The following NFASC variants were observed in gnomAD, a reference collection of about 807,000 sequenced individuals.
NFASC encodes neurofascin homolog.
A neutral mutation model predicts 147.5 loss-of-function variants in NFASC; 43 were observed. The observed-to-expected ratio is 0.29, with a 90% CI of 0.23 to 0.38. NFASC has a LOEUF of 0.38. Among genes scored for constraint, NFASC ranks in the 10% least tolerant of loss-of-function variants. The pLI, the probability that NFASC is intolerant of heterozygous loss-of-function variation, is 1.00. For synonymous variants in NFASC, 622 were observed against 665.5 expected, an observed-to-expected ratio of 0.93 and a Z score of 1.01; for missense variants, 1,320 against 1,689.0, an observed-to-expected ratio of 0.78 and a Z score of 3.83.
intron 29 of NFASC, among the ~76,000 whole-genome samples, chr1:205,013,828 G>A (rs1282765570): frequency 2.0e-5 from 3 of 152,078 alleles, no homozygotes; most frequent in Non-Finnish European, 1.5e-5. Context: ...CCTGTCCTGG[G>A]CCTCTGCCAC....
rs576176532 is a variant in NFASC, at chr1:204,885,534, A to C, written c.-199-35098A>C. On this transcript the variant is annotated intron_variant, in intron 1 of 29. Coordinates refer to ENST00000339876, the MANE Select transcript of NFASC (RefSeq NM_001005388.3). ...AATATTTTGCAACCCACCGTCAGAG[A>C]AAGAATTGACCAGGGCTGGTGCCAA... 2.6e-5 allele frequency among the ~76,000 whole-genome samples: 4 copies of C among 152,320 alleles called. No individual in the cohort carries two copies. The South Asian group carries it at 8.3e-4, about 32-fold the overall frequency.
intron 1 of NFASC, among the ~76,000 whole-genome samples, chr1:204,869,225 C>G (rs902151232): frequency 2.6e-5 from 4 of 152,184 alleles, no homozygotes; most frequent in African/African-American, 9.7e-5. Flanking sequence ...GAAGAGGCAT[C>G]ACAACATGAG....
chr1:204,979,670 G>T lies in NFASC; in HGVS notation c.2176+111G>T. On this transcript the variant is annotated intron_variant, in intron 19 of 29. Transcript: ENST00000339876. This position sits in a 1 kb window ranked among gnomAD's most constrained non-coding sequence, Gnocchi z 6.0. Reference sequence around the variant, plus strand: ...ACTTAGGTTACTTAACTTCTCCAAGGCCCGGCCTCATCTGTGAGGCAGAGA... The same window carrying T: ...ACTTAGGTTACTTAACTTCTCCAAGTCCCGGCCTCATCTGTGAGGCAGAGA... The T allele has an allele frequency of 1.0e-6, 1 of 968,194 alleles. No homozygotes were observed. Among genetic ancestry groups the T allele is most frequent in the South Asian group, 1.4e-5 (1 of 73,792 alleles). The allele number at this position is 968,194 out of a possible 1,614,324, so 60.0% of individuals were successfully genotyped here.
chr1:204,937,737 C>A (rs1487669899), intron 2 of NFASC, among the ~76,000 whole-genome samples: 5 of 152,208 alleles, frequency 3.3e-5, no homozygotes, highest in African/African-American at 7.2e-5. Flanking sequence ...GCAAAATTAT[C>A]AACAAAGCTG....
chr1:204,987,438 T>G lies in NFASC; in HGVS notation c.2491T>G (p.Phe831Val). 4.3e-6 allele frequency: 7 copies of G among 1,614,082 alleles called. No individual in the cohort carries two copies. Among genetic ancestry groups the G allele is most frequent in the Non-Finnish European group, 5.9e-6 (7 of 1,179,978 alleles). ...CCAAGTACCCAGTGCCCCTAGGCGT[T>G]TCCGAGTCCGGCAGCCCAACCTGGA... ...GEDLPSAPRR[F>V]RVRQPNLETI... The change falls in exon 22 of 30, where the codon TTC becomes GTC. Residue 831 changes from phenylalanine to valine, a missense_variant. Physicochemically the swap from Phe to Val is conservative, Grantham distance 50. Transcript: ENST00000339876. The surrounding 1 kb of genome is among the most constrained non-coding windows in gnomAD (Gnocchi z 4.4).
Position 204,857,606 on chromosome 1 carries a change from C to T in NFASC, c.-200+28824C>T, listed in dbSNP as rs80272851. Among the ~76,000 whole-genome samples, 971 of 152,262 alleles carry T rather than the reference C, an allele frequency of 6.4e-3. 31 individuals carry two copies. Among genetic ancestry groups the T allele is most frequent in the Admixed American group, 0.054 (821 of 15,284 alleles). On this transcript the variant is annotated intron_variant, in intron 1 of 29. Coordinates refer to ENST00000339876, the MANE Select transcript of NFASC (RefSeq NM_001005388.3). ...CGTGGGATCTCAAAGTCTGCTGACC[C>T]TGCTGCTGGGATGTTTTCAGTCCTG... is the stretch of plus-strand genomic sequence containing the variant.
chr1:204,833,536 T>C (rs144473219), intron 1 of NFASC, among the ~76,000 whole-genome samples: 22 of 125,744 alleles, frequency 1.7e-4, no homozygotes, highest in African/African-American at 6.3e-4. Context: ...TCTAGGAAAA[T>C]CTGTTAGAAG....
intron 1 of NFASC, among the ~76,000 whole-genome samples, chr1:204,848,703 G>A (rs2075391329): frequency 6.6e-6 from 1 of 152,194 alleles, no homozygotes; most frequent in Non-Finnish European, 1.5e-5. Context: ...TTTTCTGTTG[G>A]TCTTCTAATT....
At chr1:204,832,682 T>A (rs1035392753) in intron 1 of NFASC, among the ~76,000 whole-genome samples, 4 of 152,218 alleles carry the variant, frequency 2.6e-5, no homozygotes, top group African/African-American at 9.6e-5. Flanking sequence ...CCTGAGCCTT[T>A]GAATCTGTCA....
chr1:204,981,766 A>T, intron 20 of NFASC, 32 bp from the exon 21 acceptor site: 1 of 1,425,534 alleles, frequency 7.0e-7, no homozygotes, highest in Non-Finnish European at 9.5e-7. Context: ...CCTCTCTGGC[A>T]GCCTCTCCAG....
intron 10 of NFASC, 126 bp from the exon 11 acceptor site, chr1:204,970,490 G>A (rs1165948454): frequency 1.9e-6 from 2 of 1,065,852 alleles, no homozygotes; most frequent in Non-Finnish European, 2.8e-6. Context: ...ATGAGCCCTG[G>A]GGCAGGTGGT....
intron 12 of NFASC, 84 bp downstream of exon 12, chr1:204,973,503 A>T: frequency 6.6e-7 from 1 of 1,518,324 alleles, no homozygotes; most frequent in South Asian, 1.2e-5. Flanking sequence ...CGTGGGGCAC[A>T]CTTTCTTCTC....
intron 15 of NFASC, among the ~76,000 whole-genome samples, chr1:204,976,432 C>T (rs967010108): frequency 3.3e-5 from 5 of 152,200 alleles, no homozygotes; most frequent in African/African-American, 4.8e-5. Context: ...AGGTGGCAAA[C>T]GTGCTTCACA....
chr1:205,010,772 A>C lies in NFASC; in HGVS notation c.3421+1084A>C, dbSNP rs182223165. The C allele has an allele frequency of 6.6e-6, 1 of 151,974 alleles. No homozygotes were observed. The highest frequency in any genetic ancestry group is 1.5e-5 in the Non-Finnish European group (1 of 68,002). 9.4% of individuals were successfully genotyped at this position (151,974 alleles called of 1,614,324 possible). On this transcript the variant is annotated intron_variant, in intron 28 of 29. Coordinates refer to ENST00000339876, the MANE Select transcript of NFASC (RefSeq NM_001005388.3). This position sits in a 1 kb window ranked among gnomAD's most constrained non-coding sequence, Gnocchi z 4.1. ...CAAAAAATTAGCTGGGTGTTTTGGCACGTGCCTATAATCCCAGCTACTCAG... is the reference window on the plus strand; with the variant it reads ...CAAAAAATTAGCTGGGTGTTTTGGCCCGTGCCTATAATCCCAGCTACTCAG...
chr1:204,950,473 G>T, intron 3 of NFASC, 84 bp from the exon 4 acceptor site: 1 of 1,270,822 alleles, frequency 7.9e-7, no homozygotes, highest in East Asian at 2.5e-5. Context: ...CTGTGTGCTG[G>T]GGCGTGAGGA....
chr1:204,969,059 T>C, intron 10 of NFASC, 77 bp downstream of exon 10: 1 of 1,365,582 alleles, frequency 7.3e-7, no homozygotes, highest in Non-Finnish European at 1.0e-6. Context: ...CTGAGGGTGG[T>C]TGGGGGCAGA....
chr1:204,997,753 T>C, intron 25 of NFASC: 1 of 412,728 alleles, frequency 2.4e-6, no homozygotes, highest in Non-Finnish European at 4.5e-6. Flanking sequence ...CAGCTACATG[T>C]CAGGCAGTCA....
chr1:204,851,491 C>A (rs1572037602), intron 1 of NFASC, among the ~76,000 whole-genome samples: 1 of 152,090 alleles, frequency 6.6e-6, no homozygotes, highest in African/African-American at 2.4e-5. Flanking sequence ...TGCCACCATG[C>A]CTGGCCAATT....
intron 1 of NFASC, among the ~76,000 whole-genome samples, chr1:204,884,874 G>A (rs1299506842): frequency 2.6e-5 from 4 of 152,164 alleles, no homozygotes; most frequent in African/African-American, 7.2e-5. Context: ...CAGCCATAGA[G>A]CGCATGGTCT....
Sources: allele counts gnomAD v4.1 joint callset (sites outside exome capture counted in the v4.1 genomes callset), GRCh38; gene constraint gnomAD v4.1.1; non-coding constraint Gnocchi (gnomAD v3.1); transcripts MANE v1.5; gene names NCBI Gene and HGNC (gene_info 2026-07-23, HGNC 2026-07-21).